Variants in RBFOX1 observed in about 807,000 individuals in gnomAD.
RBFOX1 encodes RNA binding fox-1 homolog 1.
Under a neutral mutation model 57.7 loss-of-function variants are expected in RBFOX1, and 8 were observed. That is an observed-to-expected ratio of 0.14 (90% confidence interval 0.08 to 0.25). The LOEUF (loss-of-function observed/expected upper bound fraction) is 0.25. Among genes scored for constraint, RBFOX1 ranks in the 10% least tolerant of loss-of-function variants. The pLI is 1.00. For synonymous variants in RBFOX1, 326 were observed against 222.4 expected, an observed-to-expected ratio of 1.47 and a Z score of -4.15; for missense variants, 611 against 548.5, an observed-to-expected ratio of 1.11 and a Z score of -1.14.
At chr16:7,213,740 G>A (rs1004935151) in intron 4 of RBFOX1, among the ~76,000 whole-genome samples, 3 of 152,156 alleles carry the variant, frequency 2.0e-5, no homozygotes, top group Non-Finnish European at 4.4e-5. Context: ...GAATATGCTT[G>A]ATATGTCATC....
intron 1 of RBFOX1, among the ~76,000 whole-genome samples, chr16:6,297,832 TTGGCCACTGGG>T (rs2078311141): frequency 6.6e-6 from 1 of 152,052 alleles, no homozygotes; most frequent in African/African-American, 2.4e-5. Flanking sequence ...AGAGAGGAGA[TTGGCCACTGGG>T]TGGCGAAACG....
chr16:7,653,470 C>T (rs192947136), intron 11 of RBFOX1, among the ~76,000 whole-genome samples: 1 of 152,316 alleles, frequency 6.6e-6, no homozygotes, highest in East Asian at 1.9e-4. Context: ...TGCACCACTG[C>T]ACTCCAGCCT....
intron 2 of RBFOX1, among the ~76,000 whole-genome samples, chr16:6,610,493 G>C (rs1353958228): frequency 6.6e-6 from 1 of 151,960 alleles, no homozygotes; most frequent in African/African-American, 2.4e-5. Context: ...ACACTCAGCT[G>C]ATTTTTTTGT....
At chr16:6,779,632 A>G (rs28880081) in intron 3 of RBFOX1, among the ~76,000 whole-genome samples, 11,120 of 144,688 alleles carry the variant, frequency 0.077, 836 homozygotes, top group East Asian at 0.23. Context: ...GTTCCCACCA[A>G]TAGTATACAA....
chr16:5,631,882 G>C (rs2048520254), intron 3 of RBFOX1, among the ~76,000 whole-genome samples: 1 of 152,212 alleles, frequency 6.6e-6, no homozygotes, highest in African/African-American at 2.4e-5. Context: ...TTCTGGGATG[G>C]ACACTGGGGT....
intron 1 of RBFOX1, among the ~76,000 whole-genome samples, chr16:6,197,563 C>T (rs995975285): frequency 6.6e-6 from 1 of 151,940 alleles, no homozygotes; most frequent in Non-Finnish European, 1.5e-5. Context: ...CTTCTGTTTC[C>T]CGCAAAGACA....
chr16:5,826,784 A>C (rs1246264583), intron 3 of RBFOX1, among the ~76,000 whole-genome samples: 1 of 152,222 alleles, frequency 6.6e-6, no homozygotes, highest in Non-Finnish European at 1.5e-5. Flanking sequence ...TTCCTTTTAT[A>C]ATTCCAAATA....
At chr16:6,764,233 G>A (rs1282914233) in intron 3 of RBFOX1, among the ~76,000 whole-genome samples, 1 of 152,172 alleles carries the variant, frequency 6.6e-6, no homozygotes, top group Non-Finnish European at 1.5e-5. Context: ...ACAGCAGCTG[G>A]CATGCAAATT....
At chr16:6,468,407 G>A (rs1355432450) in intron 2 of RBFOX1, among the ~76,000 whole-genome samples, 4 of 152,124 alleles carry the variant, frequency 2.6e-5, no homozygotes, top group East Asian at 1.9e-4. Flanking sequence ...TATAAGCCCC[G>A]CAACGATGTT....
chr16:7,583,029 T>G (rs550277652), intron 6 of RBFOX1, among the ~76,000 whole-genome samples: 53 of 152,348 alleles, frequency 3.5e-4, no homozygotes, highest in African/African-American at 1.2e-3. Context: ...ATTTGTATCT[T>G]CAGCACATCA....
At chr16:6,449,913 C>A (rs189273923) in intron 2 of RBFOX1, among the ~76,000 whole-genome samples, 1 of 152,276 alleles carries the variant, frequency 6.6e-6, no homozygotes, top group African/African-American at 2.4e-5. Flanking sequence ...CTTCATTTCT[C>A]CAGATGCTGT....
intron 3 of RBFOX1, among the ~76,000 whole-genome samples, chr16:6,685,268 T>C (rs1258125137): frequency 1.0e-5 from 1 of 99,356 alleles, no homozygotes; most frequent in Admixed American, 1.3e-4. Context: ...AGAGGGAGAG[T>C]TTTTCTTTTT....
chr16:6,568,744 T>C (rs1020302047), intron 2 of RBFOX1, among the ~76,000 whole-genome samples: 1 of 152,112 alleles, frequency 6.6e-6, no homozygotes, highest in African/African-American at 2.4e-5. Context: ...GGGTGGAAAG[T>C]TTGATTACCA....
chr16:7,542,153 C>G (rs1478420343), intron 5 of RBFOX1, among the ~76,000 whole-genome samples: 1 of 152,166 alleles, frequency 6.6e-6, no homozygotes, highest in Non-Finnish European at 1.5e-5. Context: ...ACAGAACATT[C>G]TGAACGGACT....
chr16:7,286,024 T>A, intron 4 of RBFOX1, among the ~76,000 whole-genome samples: 1 of 152,206 alleles, frequency 6.6e-6, no homozygotes, highest in East Asian at 1.9e-4. Flanking sequence ...GTCTGCTTGT[T>A]TGTATCTTTA....
chr16:6,551,109 G>A lies in RBFOX1; in HGVS notation c.-63-103494G>A, dbSNP rs541149670. Among the ~76,000 whole-genome samples the A allele has an allele frequency of 2.0e-4, 31 of 152,244 alleles. 1 individual carries two copies. The highest frequency in any genetic ancestry group is 7.5e-4 in the African/African-American group (31 of 41,534). Reference sequence around the variant, plus strand: ...ATGTGATAATGGCTCTGCGTTTTGGGTTACAGAGCTCAACTCTCTGAGATT... The same window carrying A: ...ATGTGATAATGGCTCTGCGTTTTGGATTACAGAGCTCAACTCTCTGAGATT... On this transcript the variant is annotated intron_variant, in intron 2 of 15. Transcript: ENST00000550418.
chr16:7,708,169 T>C (rs899682546), intron 14 of RBFOX1, among the ~76,000 whole-genome samples: 1 of 152,054 alleles, frequency 6.6e-6, no homozygotes, highest in Non-Finnish European at 1.5e-5. Context: ...CAAGACTTTG[T>C]CTCCCCCCTC....
intron 1 of RBFOX1, among the ~76,000 whole-genome samples, chr16:6,301,158 A>G (rs2078776241): frequency 6.6e-6 from 1 of 152,224 alleles, no homozygotes; most frequent in Admixed American, 6.5e-5. Flanking sequence ...TTTAAATTGT[A>G]GACTTATTTA....
chr16:5,643,880 A>G (rs2048962485), intron 3 of RBFOX1, among the ~76,000 whole-genome samples: 1 of 152,236 alleles, frequency 6.6e-6, no homozygotes, highest in African/African-American at 2.4e-5. Flanking sequence ...AACAGTATGA[A>G]TAAAAATTAA....
Sources: allele counts gnomAD v4.1 joint callset (sites outside exome capture counted in the v4.1 genomes callset), GRCh38; gene constraint gnomAD v4.1.1; transcripts MANE v1.5; gene names NCBI Gene and HGNC (gene_info 2026-07-23, HGNC 2026-07-21).